Variants in PLPPR3 observed in about 807,000 individuals in gnomAD.
PLPPR3 encodes phospholipid phosphatase-related protein type 3.
A neutral mutation model predicts 27.3 loss-of-function variants in PLPPR3; 14 were observed. The ratio of observed to expected loss-of-function variants is 0.51; its 90% confidence interval spans 0.34 to 0.80. PLPPR3 has a LOEUF of 0.80. PLPPR3 is among the 30% of genes least tolerant of loss of function. PLPPR3 has a pLI of 0.01. For missense variants in PLPPR3, 1,287 were observed against 1,056.9 expected (o/e 1.22, Z -3.02); for synonymous variants, 671 against 508.0 (o/e 1.32, Z -4.32).
chr19:812,586 C>T lies in PLPPR3; in HGVS notation c.2141G>A (p.Arg714His), dbSNP rs1303904767. The T allele has an allele frequency of 5.6e-6, 6 of 1,072,368 alleles. No homozygotes were observed. Among genetic ancestry groups the T allele is most frequent in the South Asian group, 2.4e-5 (1 of 42,452 alleles). 66.4% of individuals were successfully genotyped at this position (1,072,368 alleles called of 1,614,324 possible). A position where few individuals can be genotyped will look rare whatever the true frequency, so the allele number is the denominator to read the frequency against. Residue 714 changes from arginine to histidine, a missense_variant, in exon 8 of 8, where the codon CGC (arginine) becomes CAC (histidine). Transcript: ENST00000520876. ...AEGYFRKMQA[R>H]RFPD ...CCCGCCGCGCTAGTCGGGGAAGCGG[C>T]GCGCCTGCATCTTGCGGAAGTAGCC...
At chr19:823,007 T>C (rs1286991581), upstream of PLPPR3, among the ~76,000 whole-genome samples, 1 of 151,412 alleles carries the variant, frequency 6.6e-6, no homozygotes, top group Non-Finnish European at 1.5e-5. Flanking sequence ...TAATCCCAGC[T>C]ACTCGGGAGG....
In PLPPR3 at chr19:815,057, GCA is replaced by G; in HGVS notation, c.426_427del (p.Ala143HisfsTer176). 2.5e-6 allele frequency: 4 copies of G among 1,607,292 alleles called. No homozygotes were observed. The highest frequency in any genetic ancestry group is 3.4e-6 in the Non-Finnish European group (4 of 1,179,888). On this transcript the variant is annotated frameshift_variant, in exon 5 of 8. Transcript: ENST00000520876. LOFTEE classifies it high-confidence loss of function. ...GATCACGTCCGTCACCAGGGCTGTG[GCA>G]CACAGGCCGAACACGTGGACACCTG... is the stretch of plus-strand genomic sequence containing the variant.
At position 812,492 on chromosome 19, in the gene PLPPR3, T is replaced by C; in HGVS notation, c.*78A>G. ...CGAATGACCAAGAGCCGGACCTCGG[T>C]TTCTGCCGCTTTATTGAGCATCCGC... On this transcript the variant is annotated 3_prime_UTR_variant, in exon 8 of 8. Transcript: ENST00000520876. The C allele has an allele frequency of 3.1e-6, 3 of 975,216 alleles. No homozygotes were observed. The highest frequency in any genetic ancestry group is 4.6e-5 in the South Asian group (1 of 21,732). 60.4% of individuals were successfully genotyped at this position (975,216 alleles called of 1,614,324 possible). A position where few individuals can be genotyped will look rare whatever the true frequency, so the allele number is the denominator to read the frequency against.
At position 812,864 on chromosome 19, in the gene PLPPR3, C is replaced by T; in HGVS notation, c.1863G>A (p.Leu621=). The T allele has an allele frequency of 8.5e-7, 1 of 1,176,612 alleles. No homozygotes were observed. Among genetic ancestry groups the T allele is most frequent in the Non-Finnish European group, 1.1e-6 (1 of 949,196 alleles). 72.9% of individuals were successfully genotyped at this position (1,176,612 alleles called of 1,614,324 possible). Residue 621 remains leucine (L), a synonymous_variant, in exon 8 of 8, where the codon CTG becomes CTA. Transcript: ENST00000520876. ...CGCGGAAGCCGCGCGCCAGGTCCCC[C>T]AGCTCGTAGCCGCCGTCGGCCTCCG... is the stretch of plus-strand genomic sequence containing the variant. ...AKAEADGGYE[L]GDLARGFRGG...
intron 7 of PLPPR3, 55 bp downstream of exon 7, chr19:814,374 GCCTCC>G (rs1260073735): frequency 2.0e-6 from 3 of 1,493,948 alleles, no homozygotes; most frequent in Non-Finnish European, 2.7e-6. Flanking sequence ...GGGCACTCAT[GCCTCC>G]CCCCTCAGAT....
upstream of PLPPR3, among the ~76,000 whole-genome samples, chr19:822,426 G>A (rs891269221): frequency 8.5e-4 from 129 of 152,210 alleles, no homozygotes; most frequent in African/African-American, 2.9e-3. Flanking sequence ...GCTGGTGCGC[G>A]TTTCCATGGC....
At chr19:819,798 A>ATCACTAGAGCCG (rs2035119235) in intron 2 of PLPPR3, among the ~76,000 whole-genome samples, 1 of 152,118 alleles carries the variant, frequency 6.6e-6, no homozygotes, top group Admixed American at 6.6e-5. Flanking sequence ...TGGAAGGCCC[A>ATCACTAGAGCCG]TCACTAGAGC....
chr19:814,294 C>T, intron 7 of PLPPR3, 140 bp downstream of exon 7: 1 of 824,894 alleles, frequency 1.2e-6, no homozygotes, highest in Non-Finnish European at 1.8e-6. Flanking sequence ...CTACCAGCCT[C>T]CCCTGTCAGA....
At position 812,723 on chromosome 19, in the gene PLPPR3, G is replaced by C. The variant is rs2145057059; in HGVS notation, c.2004C>G (p.Pro668=). The C allele has an allele frequency of 9.4e-7, 1 of 1,061,134 alleles. No individual in the cohort carries two copies. The allele number at this position is 1,061,134 out of a possible 1,614,324, so 65.7% of individuals were successfully genotyped here. The change falls in exon 8 of 8, where the codon CCC becomes CCG. Residue 668 remains proline (P), a synonymous_variant. Transcript: ENST00000520876. ...TVNLATGEGL[P]PLGAADGALG... ...GCGCCCCATCGGCCGCGCCCAGCGG[G>C]GGCAGCCCCTCGCCCGTGGCCAGGT...
chr19:812,691 G>C lies in PLPPR3; in HGVS notation c.2036C>G (p.Pro679Arg). 2.7e-5 allele frequency: 28 copies of C among 1,049,674 alleles called. No individual in the cohort carries two copies. Among genetic ancestry groups the C allele is most frequent in the Non-Finnish European group, 3.1e-5 (27 of 870,694 alleles). 65.0% of individuals were successfully genotyped at this position (1,049,674 alleles called of 1,614,324 possible). A position where few individuals can be genotyped will look rare whatever the true frequency, so the allele number is the denominator to read the frequency against. The change falls in exon 8 of 8, where the codon CCG (proline) becomes CGG (arginine). Residue 679 changes from proline (P) to arginine (R), a missense_variant. Physicochemically the swap from Pro to Arg is moderately radical, Grantham distance 103 (BLOSUM62 -2). Coordinates refer to ENST00000520876, the MANE Select transcript of PLPPR3 (RefSeq NM_001270366.2). ...PLGAADGALG[P>R]GSRESTLRRH... ...CCGCAGCGTGGACTCCCGGCTGCCC[G>C]GGCCCAGCGCCCCATCGGCCGCGCC... is the stretch of plus-strand genomic sequence containing the variant.
In PLPPR3 at chr19:821,796, G is replaced by A. The variant is rs2035151329; in HGVS notation, c.-27+119C>T. ...GGTCGGGGCCGGGATCGCCGAGGAG[G>A]GCGGGGGGTCTCCGGGCGGGAGCCA... On this transcript the variant is annotated intron_variant, in intron 1 of 7. Transcript: ENST00000520876. The A allele has an allele frequency of 1.1e-5, 4 of 364,040 alleles. No homozygotes were observed. In the Admixed American group the frequency reaches 1.4e-4, roughly 13 times the overall value. 22.6% of individuals were successfully genotyped at this position (364,040 alleles called of 1,614,324 possible). A position where few individuals can be genotyped will look rare whatever the true frequency, so the allele number is the denominator to read the frequency against.
Position 816,434 on chromosome 19 carries a change from C to T in PLPPR3, c.76-583G>A, listed in dbSNP as rs557677466. 4.0e-5 allele frequency among the ~76,000 whole-genome samples: 6 copies of T among 150,332 alleles called. No homozygotes were observed. The East Asian group carries it at 8.1e-4, about 20-fold the overall frequency. The stretch of plus-strand genomic sequence containing the variant: ...ATTCTCCACCCATGCACCCACCCAC[C>T]CATCTACCCACCTACCCATCCATCC... On this transcript the variant is annotated intron_variant, in intron 2 of 7. Transcript: ENST00000520876.
chr19:823,029 G>A (rs543619749), upstream of PLPPR3, among the ~76,000 whole-genome samples: 67 of 152,250 alleles, frequency 4.4e-4, 1 homozygote, highest in Non-Finnish European at 7.5e-4. Flanking sequence ...TGAGGCAGGA[G>A]AATCGCTTGA....
intron 2 of PLPPR3, among the ~76,000 whole-genome samples, chr19:818,433 G>T (rs531904512): frequency 1.3e-5 from 2 of 151,980 alleles, no homozygotes; most frequent in Non-Finnish European, 2.9e-5. Flanking sequence ...GACCGCAGTG[G>T]CTCACACCTG....
Position 813,475 on chromosome 19 carries a change from C to T in PLPPR3, c.1252G>A (p.Gly418Ser). 1 of 1,541,512 alleles carries T rather than the reference C, an allele frequency of 6.5e-7. No individual in the cohort carries two copies. Among genetic ancestry groups the T allele is most frequent in the East Asian group, 2.4e-5 (1 of 40,826 alleles). The change falls in exon 8 of 8, where the codon GGC (glycine) becomes AGC (serine). Residue 418 changes from glycine to serine, a missense_variant. Gly to Ser is a moderately conservative substitution (Grantham distance 56). Coordinates refer to ENST00000520876, the MANE Select transcript of PLPPR3 (RefSeq NM_001270366.2). This position sits in a 1 kb window ranked among gnomAD's most constrained non-coding sequence, Gnocchi z 4.1. Reference protein sequence around the residue: ...ISEWKQKSLEGRGLGLPDDAS... With the variant: ...ISEWKQKSLESRGLGLPDDAS... ...TCGTCGGGCAGCCCCAGGCCGCGGC[C>T]CTCCAGGCTCTTCTGCTTCCACTCG...
upstream of PLPPR3, among the ~76,000 whole-genome samples, chr19:822,700 C>T (rs928459050): frequency 2.0e-5 from 3 of 152,220 alleles, no homozygotes; most frequent in African/African-American, 7.2e-5. Flanking sequence ...TGCATTTCCT[C>T]CTCCATATGC....
rs754364096 is a variant in PLPPR3, at chr19:814,621, G to T, written c.658-14C>A. 4 of 1,611,492 alleles carry T rather than the reference G, an allele frequency of 2.5e-6. No individual in the cohort carries two copies. The highest frequency in any genetic ancestry group is 2.2e-5 in the South Asian group (2 of 91,090). ...GTTGAAGTACATCTGGGGCATGGGGGTTGGGGTCAGGGAGGGCTCCCCACG... is the reference window on the plus strand; with the variant it reads ...GTTGAAGTACATCTGGGGCATGGGGTTTGGGGTCAGGGAGGGCTCCCCACG... On this transcript the variant is annotated splice_polypyrimidine_tract_variant and intron_variant, in intron 6 of 7. Coordinates refer to ENST00000520876, the MANE Select transcript of PLPPR3 (RefSeq NM_001270366.2).
At chr19:816,938 A>T (rs974811101) in intron 2 of PLPPR3, among the ~76,000 whole-genome samples, 13 of 100,914 alleles carry the variant, frequency 1.3e-4, no homozygotes, top group African/African-American at 4.0e-4. Context: ...CCACCCACCC[A>T]TCCACCTATC....
At chr19:821,264 T>G (rs909927187) in intron 2 of PLPPR3, among the ~76,000 whole-genome samples, 1 of 147,084 alleles carries the variant, frequency 6.8e-6, no homozygotes, top group Admixed American at 6.8e-5. Flanking sequence ...TGCCCACAGT[T>G]CCCACGGCCT....
Sources: gnomAD v4.1 joint callset for allele counts (sites outside exome capture counted in the v4.1 genomes callset) on GRCh38, gnomAD v4.1.1 for gene constraint, Gnocchi (gnomAD v3.1) non-coding constraint, MANE v1.5 for transcripts, NCBI Gene and HGNC (gene_info 2026-07-23, HGNC 2026-07-21) for gene names.